DLGAP1: variants seen among roughly 807,000 people sequenced by gnomAD.
DLGAP1 encodes DLG associated protein 1.
Under a neutral mutation model 90.8 loss-of-function variants are expected in DLGAP1, and 11 were observed. That is an observed-to-expected ratio of 0.12 (90% CI 0.08 to 0.20). The LOEUF is 0.20. Ranked by LOEUF, DLGAP1 falls within the 10% of genes least tolerant of loss-of-function variation. DLGAP1 has a pLI of 1.00. For missense variants in DLGAP1, 1,050 were observed against 1,333.8 expected, an observed-to-expected ratio of 0.79 and a Z score of 3.31; for synonymous variants, 558 against 540.7, an observed-to-expected ratio of 1.03 and a Z score of -0.44.
At chr18:3,875,634 T>C (rs2070980059) in intron 4 of DLGAP1, among the ~76,000 whole-genome samples, 1 of 152,176 alleles carries the variant, frequency 6.6e-6, no homozygotes, top group African/African-American at 2.4e-5. Flanking sequence ...TCTTAGCTTC[T>C]TCAACTGTGA....
intron 7 of DLGAP1, among the ~76,000 whole-genome samples, chr18:3,646,255 G>A (rs1277085296): frequency 1.3e-5 from 2 of 152,084 alleles, no homozygotes; most frequent in African/African-American, 4.8e-5. Flanking sequence ...TTAGCCGAGC[G>A]TGATGGCACA....
intron 2 of DLGAP1, among the ~76,000 whole-genome samples, chr18:4,010,266 T>C (rs2074389765): frequency 6.6e-6 from 1 of 152,184 alleles, no homozygotes; most frequent in Admixed American, 6.5e-5. Context: ...TCAGGATTGC[T>C]GGGTGCGGTG....
intron 2 of DLGAP1, among the ~76,000 whole-genome samples, chr18:4,145,544 A>G (rs1247272002): frequency 1.3e-5 from 2 of 152,194 alleles, no homozygotes; most frequent in Non-Finnish European, 2.9e-5. Flanking sequence ...GGGGTAACCA[A>G]TATCAAAATG....
intron 3 of DLGAP1, among the ~76,000 whole-genome samples, chr18:3,917,614 C>T (rs2072175390): frequency 6.6e-6 from 1 of 152,086 alleles, no homozygotes. Flanking sequence ...GAGTAAACAC[C>T]AAAGAGCTGC....
chr18:3,751,317 G>A (rs1350763551), intron 5 of DLGAP1, among the ~76,000 whole-genome samples: 1 of 151,874 alleles, frequency 6.6e-6, no homozygotes, highest in Non-Finnish European at 1.5e-5. Flanking sequence ...TTCTTTTTGA[G>A]TCAGGGTCTC....
At chr18:4,061,725 T>C (rs2075301260) in intron 2 of DLGAP1, among the ~76,000 whole-genome samples, 2 of 152,208 alleles carry the variant, frequency 1.3e-5, no homozygotes, top group Admixed American at 6.5e-5. Flanking sequence ...ATAATTCTGA[T>C]ATGACTTAGT....
intron 2 of DLGAP1, among the ~76,000 whole-genome samples, chr18:4,067,728 T>C (rs924832794): frequency 6.6e-6 from 1 of 152,062 alleles, no homozygotes; most frequent in African/African-American, 2.4e-5. Context: ...CTTTAGATAA[T>C]ATTAATAACT....
chr18:3,609,162 GC>G (rs1221421712), intron 7 of DLGAP1, among the ~76,000 whole-genome samples: 2 of 151,944 alleles, frequency 1.3e-5, no homozygotes, highest in Non-Finnish European at 2.9e-5. Context: ...AGTGTCCTCA[GC>G]CTCCCAAGTA....
intron 1 of DLGAP1, among the ~76,000 whole-genome samples, chr18:4,204,059 T>C (rs1463610108): frequency 1.3e-5 from 2 of 152,230 alleles, no homozygotes; most frequent in African/African-American, 4.8e-5. Flanking sequence ...TCTGGTTGAC[T>C]ACAAAACTCT....
chr18:3,611,104 C>A (rs1248626677), intron 7 of DLGAP1, among the ~76,000 whole-genome samples: 1 of 151,564 alleles, frequency 6.6e-6, no homozygotes, highest in African/African-American at 2.4e-5. Flanking sequence ...TGCACTCTAC[C>A]CTGGGCGATA....
intron 2 of DLGAP1, among the ~76,000 whole-genome samples, chr18:4,110,879 G>C (rs2075960341): frequency 6.6e-6 from 1 of 152,056 alleles, no homozygotes; most frequent in Admixed American, 6.6e-5. Flanking sequence ...GGGATTTTCT[G>C]ACTGCCCATC....
intron 10 of DLGAP1, among the ~76,000 whole-genome samples, chr18:3,521,373 GC>G (rs2051176738): frequency 6.6e-6 from 1 of 152,104 alleles, no homozygotes; most frequent in South Asian, 2.1e-4. Context: ...ATAAGCCCCA[GC>G]CCCCTTCAGC....
At chr18:3,654,052 A>C (rs2059401538) in intron 7 of DLGAP1, 2 of 152,132 alleles carry the variant, frequency 1.3e-5, no homozygotes, top group Admixed American at 1.3e-4. Flanking sequence ...CAACAACCGC[A>C]CTCCCAAATT....
chr18:3,942,107 T>C (rs927642024), intron 3 of DLGAP1, among the ~76,000 whole-genome samples: 7 of 152,182 alleles, frequency 4.6e-5, no homozygotes, highest in African/African-American at 1.4e-4. Context: ...TGGATTTAGG[T>C]AGTGGTCCTG....
chr18:4,038,535 TA>T (rs1373522951), intron 2 of DLGAP1, among the ~76,000 whole-genome samples: 1 of 152,204 alleles, frequency 6.6e-6, no homozygotes, highest in East Asian at 1.9e-4. Flanking sequence ...AAAGTAGGTT[TA>T]TTTTTAACAT....
chr18:4,121,427 A>G (rs567698434), intron 2 of DLGAP1, among the ~76,000 whole-genome samples: 42 of 152,142 alleles, frequency 2.8e-4, no homozygotes, highest in African/African-American at 8.2e-4. Context: ...ACTTTTAGCA[A>G]AGAACCCTGC....
chr18:4,434,231 G>GA lies in DLGAP1; in HGVS notation c.-267+20774dup, dbSNP rs550272208. On this transcript the variant is annotated intron_variant, in intron 1 of 12. Transcript: ENST00000315677. ...ACTCTCATCTACATACACCTCCCCCGAAAAAATGCTATTCCCCATCTGAAT... is the reference window on the plus strand; with the variant it reads ...ACTCTCATCTACATACACCTCCCCCGAAAAAAATGCTATTCCCCATCTGAAT... Among the ~76,000 whole-genome samples, 248 of 151,608 alleles carry GA rather than the reference G, an allele frequency of 1.6e-3. 3 individuals carry two copies. Among genetic ancestry groups the GA allele is most frequent in the African/African-American group, 5.8e-3 (238 of 41,344 alleles).
intron 1 of DLGAP1, among the ~76,000 whole-genome samples, chr18:4,357,020 G>A (rs186098914): frequency 6.6e-5 from 10 of 151,622 alleles, no homozygotes; most frequent in Admixed American, 3.9e-4. Flanking sequence ...ATCTTTCCAC[G>A]CCTTGCTGTT....
At chr18:3,824,995 T>A (rs2067631920) in intron 4 of DLGAP1, among the ~76,000 whole-genome samples, 1 of 152,168 alleles carries the variant, frequency 6.6e-6, no homozygotes, top group Non-Finnish European at 1.5e-5. Context: ...TACAGGGAAG[T>A]TGCCTCTTGA....
Sources: gnomAD v4.1 joint callset for allele counts (sites outside exome capture counted in the v4.1 genomes callset) on GRCh38, gnomAD v4.1.1 for gene constraint, MANE v1.5 for transcripts, NCBI Gene and HGNC (gene_info 2026-07-23, HGNC 2026-07-21) for gene names.